The following PHACTR1 variants were observed in gnomAD, a reference collection of about 807,000 sequenced individuals.
The protein encoded by PHACTR1 is RPEL repeat containing 1.
Under a neutral mutation model 69.2 loss-of-function variants are expected in PHACTR1, and 16 were observed. The observed-to-expected ratio is 0.23, with a 90% CI of 0.16 to 0.35. PHACTR1 has a LOEUF of 0.35. Ranked by LOEUF, PHACTR1 falls within the 10% of genes least tolerant of loss-of-function variation. PHACTR1 has a pLI of 1.00. For missense variants in PHACTR1, 510 were observed against 734.7 expected (o/e 0.69, Z 3.54); for synonymous variants, 312 against 284.5 (o/e 1.10, Z -0.97).
At chr6:12,907,387 T>C (rs1785861398) in intron 4 of PHACTR1, among the ~76,000 whole-genome samples, 1 of 152,238 alleles carries the variant, frequency 6.6e-6, no homozygotes, top group Non-Finnish European at 1.5e-5. Context: ...ACTTATGTGC[T>C]CTCCACTATA....
intron 4 of PHACTR1, among the ~76,000 whole-genome samples, chr6:13,002,060 A>G (rs1193668295): frequency 6.6e-6 from 1 of 152,206 alleles, no homozygotes; most frequent in Non-Finnish European, 1.5e-5. Flanking sequence ...TGGTATTTAC[A>G]ATTAACACTG....
At chr6:13,138,892 T>A (rs1340928928) in intron 5 of PHACTR1, among the ~76,000 whole-genome samples, 1 of 152,228 alleles carries the variant, frequency 6.6e-6, no homozygotes. Context: ...CCTGACATTT[T>A]CTTGTTTGTC....
chr6:12,926,962 G>A (rs548190637), intron 4 of PHACTR1, among the ~76,000 whole-genome samples: 1 of 152,330 alleles, frequency 6.6e-6, no homozygotes, highest in South Asian at 2.1e-4. Flanking sequence ...GCCAGCTCCT[G>A]CAAGCCTTAG....
chr6:12,863,424 A>T (rs6458507), intron 4 of PHACTR1, among the ~76,000 whole-genome samples: 4 of 152,212 alleles, frequency 2.6e-5, no homozygotes, highest in Non-Finnish European at 5.9e-5. Flanking sequence ...AACCTGATTA[A>T]TTCCCAAAGG....
chr6:13,059,564 G>T (rs1807376792), intron 5 of PHACTR1, among the ~76,000 whole-genome samples: 1 of 152,020 alleles, frequency 6.6e-6, no homozygotes, highest in South Asian at 2.1e-4. Flanking sequence ...TTGTGGTGAT[G>T]ATATCATGGT....
intron 4 of PHACTR1, among the ~76,000 whole-genome samples, chr6:13,010,034 T>C (rs1304769947): frequency 6.6e-6 from 1 of 152,198 alleles, no homozygotes; most frequent in Non-Finnish European, 1.5e-5. Context: ...TGCATAGATC[T>C]CTGTGGCTAC....
At chr6:13,252,080 A>C (rs1774502814) in intron 10 of PHACTR1, among the ~76,000 whole-genome samples, 1 of 151,200 alleles carries the variant, frequency 6.6e-6, no homozygotes, top group Non-Finnish European at 1.5e-5. Flanking sequence ...AAAGAAAGAA[A>C]GAAAAGGCCA....
chr6:12,995,140 A>G (rs1337905224), intron 4 of PHACTR1, among the ~76,000 whole-genome samples: 2 of 152,072 alleles, frequency 1.3e-5, no homozygotes, highest in Non-Finnish European at 1.5e-5. Context: ...CTGAAAGCAA[A>G]CCTAAGTAAC....
chr6:12,786,116 A>T (rs1490915195), intron 4 of PHACTR1, among the ~76,000 whole-genome samples: 1 of 152,228 alleles, frequency 6.6e-6, no homozygotes, highest in African/African-American at 2.4e-5. Context: ...ATTCTTCCCC[A>T]GTGAATGGGA....
At chr6:13,155,430 T>G (rs1758031047) in intron 5 of PHACTR1, among the ~76,000 whole-genome samples, 2 of 152,228 alleles carry the variant, frequency 1.3e-5, no homozygotes, top group South Asian at 4.1e-4. Flanking sequence ...TCAGCTTTTC[T>G]TTGTCCTCTC....
chr6:13,179,701 GAGATAGATAGAT>G lies in PHACTR1; in HGVS notation c.497-2782_497-2771del, dbSNP rs4053020. ...AGGTAGGTAGATAGATAAGTAGATA[GAGATAGATAGAT>G]AGATAGATAGATAGATAGATAGATA... On this transcript the variant is annotated intron_variant, in intron 6 of 14. Coordinates refer to ENST00000332995, the MANE Select transcript of PHACTR1 (RefSeq NM_030948.6). This position sits in a 1 kb window ranked among gnomAD's most constrained non-coding sequence, Gnocchi z 4.2. 0.037 allele frequency among the ~76,000 whole-genome samples: 5,478 copies of G among 148,376 alleles called. 129 individuals carry two copies. Among genetic ancestry groups the G allele is most frequent in the African/African-American group, 0.048 (1,926 of 39,736 alleles).
intron 5 of PHACTR1, among the ~76,000 whole-genome samples, chr6:13,144,606 A>C (rs9473524): frequency 0.51 from 77,725 of 151,484 alleles, 20,902 homozygotes; most frequent in East Asian, 0.69. Context: ...TGATTCTAAA[A>C]TATGTGTGAA....
At chr6:13,024,309 C>T (rs964586986) in intron 4 of PHACTR1, among the ~76,000 whole-genome samples, 5 of 152,132 alleles carry the variant, frequency 3.3e-5, no homozygotes, top group South Asian at 2.1e-4. Context: ...TCTTGGAAGA[C>T]TTGAAGTCTG....
chr6:12,841,671 A>C (rs1778713853), intron 4 of PHACTR1, among the ~76,000 whole-genome samples: 2 of 152,356 alleles, frequency 1.3e-5, no homozygotes, highest in African/African-American at 4.8e-5. Context: ...GTAGCTATCT[A>C]GCTATCAAAA....
chr6:12,880,643 T>C (rs373554814), intron 4 of PHACTR1, among the ~76,000 whole-genome samples: 13 of 152,074 alleles, frequency 8.5e-5, no homozygotes, highest in African/African-American at 3.1e-4. Flanking sequence ...AATTTATGCA[T>C]AAATAAGAGC....
intron 5 of PHACTR1, among the ~76,000 whole-genome samples, chr6:13,091,866 C>T (rs888959953): frequency 6.6e-6 from 1 of 152,116 alleles, no homozygotes; most frequent in Non-Finnish European, 1.5e-5. Context: ...GGCGCAATCT[C>T]GGCTCACTGC....
At chr6:13,095,888 A>G (rs919610460) in intron 5 of PHACTR1, among the ~76,000 whole-genome samples, 3 of 151,648 alleles carry the variant, frequency 2.0e-5, no homozygotes, top group Non-Finnish European at 4.4e-5. Context: ...GTCATGAAGT[A>G]CAAGAAAACA....
At position 12,954,554 on chromosome 6, in the gene PHACTR1, G is replaced by C. The variant is rs79058904; in HGVS notation, c.251-98811G>C. On this transcript the variant is annotated intron_variant, in intron 4 of 14. Transcript: ENST00000332995. Reference sequence around the variant, plus strand: ...AGGAGGGCTAGGGGAAATGGGCAGAGAGAGAGGATGTGTAGAAAGTAGAGT... The same window carrying C: ...AGGAGGGCTAGGGGAAATGGGCAGACAGAGAGGATGTGTAGAAAGTAGAGT... 7.0e-3 allele frequency among the ~76,000 whole-genome samples: 1,071 copies of C among 152,182 alleles called. 15 individuals carry two copies. The highest frequency in any genetic ancestry group is 0.024 in the African/African-American group (1,014 of 41,504).
intron 4 of PHACTR1, among the ~76,000 whole-genome samples, chr6:12,925,975 A>G (rs1788231310): frequency 6.6e-6 from 1 of 152,006 alleles, no homozygotes; most frequent in Non-Finnish European, 1.5e-5. Flanking sequence ...TCCTTTCTTC[A>G]CTAATATCTC....
Sources: gnomAD v4.1 joint callset for allele counts (sites outside exome capture counted in the v4.1 genomes callset) on GRCh38, gnomAD v4.1.1 for gene constraint, Gnocchi (gnomAD v3.1) non-coding constraint, MANE v1.5 for transcripts, NCBI Gene and HGNC (gene_info 2026-07-23, HGNC 2026-07-21) for gene names.